The following TRMT44 variants were observed in gnomAD, a reference collection of about 807,000 sequenced individuals.
TRMT44 encodes tRNA methyltransferase 44 homolog.
In TRMT44, 78 loss-of-function variants were observed where a neutral mutation model predicts 77.3. That is an observed-to-expected ratio of 1.01 (90% CI 0.84 to 1.22). The LOEUF is 1.22. Among genes scored for constraint, TRMT44 ranks in the 50% most tolerant of loss-of-function variants. TRMT44 has a pLI of 0.00. For synonymous variants in TRMT44, 391 were observed against 383.3 expected (o/e 1.02, Z -0.23); for missense variants, 1,090 against 964.4 (o/e 1.13, Z -1.73).
chr4:8,454,002 A>T (rs1454432302), intron 5 of TRMT44, among the ~76,000 whole-genome samples: 1 of 152,204 alleles, frequency 6.6e-6, no homozygotes, highest in East Asian at 1.9e-4. Flanking sequence ...GTAGTGTATC[A>T]GGTGGCAGCT....
chr4:8,463,210 T>C (rs1726282025), intron 6 of TRMT44, among the ~76,000 whole-genome samples: 2 of 152,200 alleles, frequency 1.3e-5, no homozygotes, highest in Non-Finnish European at 2.9e-5. Context: ...TTAAGAAGAT[T>C]TTCAATGGTT....
chr4:8,487,513 TA>T (rs1202908850), intron 2 of TRMT44, among the ~76,000 whole-genome samples: 1 of 147,456 alleles, frequency 6.8e-6, no homozygotes, highest in Non-Finnish European at 1.5e-5. Context: ...GGTGCAGAAA[TA>T]AGGGATTGGG....
chr4:8,505,571 T>G, the TRMT44 span, among the ~76,000 whole-genome samples: 3 of 152,208 alleles, frequency 2.0e-5, no homozygotes, highest in Admixed American at 1.3e-4. Context: ...CAAATGTGCC[T>G]GCCCTCCGCT....
At chr4:8,509,124 A>T in the TRMT44 span, 2 of 152,054 alleles carry the variant, frequency 1.3e-5, no homozygotes, top group African/African-American at 2.4e-5. Flanking sequence ...ACCAAAAAAC[A>T]TCAGGACATT....
In TRMT44 at chr4:8,444,536, T is replaced by G. The variant is rs56343159; in HGVS notation, c.620-1940T>G. On this transcript the variant is annotated intron_variant, in intron 1 of 10. Coordinates refer to ENST00000389737, the MANE Select transcript of TRMT44 (RefSeq NM_152544.3). The surrounding 1 kb of genome is among the most constrained non-coding windows in gnomAD (Gnocchi z 4.0). ...ACTTAGCCTCCCAAGCAGCTGGGAT[T>G]ACAGGCATGTGCCACGACGCCCAGC... 6.6e-6 allele frequency among the ~76,000 whole-genome samples: 1 copy of G among 151,792 alleles called. No individual in the cohort carries two copies. Among genetic ancestry groups the G allele is most frequent in the African/African-American group, 2.4e-5 (1 of 41,276 alleles).
intron 8 of TRMT44, among the ~76,000 whole-genome samples, chr4:8,466,068 G>T (rs1726522703): frequency 6.6e-6 from 1 of 152,232 alleles, no homozygotes; most frequent in Non-Finnish European, 1.5e-5. Flanking sequence ...TCTGACCTTT[G>T]TGTGGACAGG....
At chr4:8,464,508 A>C (rs2109148916) in intron 7 of TRMT44, among the ~76,000 whole-genome samples, 1 of 152,316 alleles carries the variant, frequency 6.6e-6, no homozygotes, top group South Asian at 2.1e-4. Context: ...TTGCCTCCGC[A>C]CGGGGAGCTG....
chr4:8,489,051 C>T (rs1727911047), intron 2 of TRMT44, among the ~76,000 whole-genome samples: 1 of 152,234 alleles, frequency 6.6e-6, no homozygotes, highest in Non-Finnish European at 1.5e-5. Flanking sequence ...GGAGTAGCAC[C>T]ACCCACAAGT....
chr4:8,451,790 A>G lies in TRMT44; in HGVS notation c.955-170A>G, dbSNP rs1313225688. 2.0e-5 allele frequency among the ~76,000 whole-genome samples: 3 copies of G among 152,088 alleles called. No homozygotes were observed. Among genetic ancestry groups the G allele is most frequent in the African/African-American group, 7.2e-5 (3 of 41,386 alleles). ...TTGGCATGCCTTGTTTCTTTATGTAAATCTTTTATTGTAAGAAACCAGTTG... is the reference window on the plus strand; with the variant it reads ...TTGGCATGCCTTGTTTCTTTATGTAGATCTTTTATTGTAAGAAACCAGTTG... On this transcript the variant is annotated intron_variant, in intron 3 of 10. Coordinates refer to ENST00000389737, the MANE Select transcript of TRMT44 (RefSeq NM_152544.3). The surrounding 1 kb of genome is among the most constrained non-coding windows in gnomAD (Gnocchi z 4.1).
chr4:8,472,871 C>T (rs1315182049), intron 10 of TRMT44, among the ~76,000 whole-genome samples: 2 of 152,348 alleles, frequency 1.3e-5, no homozygotes, highest in East Asian at 1.9e-4. Flanking sequence ...CCCACCTCCA[C>T]GGGGCCTCTT....
At chr4:8,449,949 C>CTTTTTTTTTTTTTTTTTTTCTTTTT in intron 3 of TRMT44, 61 bp downstream of exon 3, 1 of 238,690 alleles carries the variant, frequency 4.2e-6, no homozygotes, top group Non-Finnish European at 6.1e-6. Context: ...CTTTTCTTTT[C>CTTTTTTTTTTTTTTTTTTTCTTTTT]TTTTTTTTTT....
chr4:8,502,945 A>G, the TRMT44 span, among the ~76,000 whole-genome samples: 1 of 152,214 alleles, frequency 6.6e-6, no homozygotes, highest in Non-Finnish European at 1.5e-5. Context: ...TGAACACACA[A>G]CAGACACAGG....
the TRMT44 span, among the ~76,000 whole-genome samples, chr4:8,507,696 C>A: frequency 6.6e-6 from 1 of 152,204 alleles, no homozygotes; most frequent in Non-Finnish European, 1.5e-5. Flanking sequence ...TGCCCCTGGT[C>A]ACCTGGAGGC....
chr4:8,478,790 C>T (rs1239653060), downstream of TRMT44: 9 of 152,250 alleles, frequency 5.9e-5, no homozygotes, highest in African/African-American at 1.7e-4. Flanking sequence ...ACTAGTGCCA[C>T]GCAGGCACTA....
rs1197455134 is a variant in TRMT44 at position 8,452,030 on chromosome 4, T to A, written c.1023+2T>A. 1 of 1,536,270 alleles carries A rather than the reference T, an allele frequency of 6.5e-7. No homozygotes were observed. The highest frequency in any genetic ancestry group is 8.7e-7 in the Non-Finnish European group (1 of 1,146,774). On this transcript the variant is annotated splice_donor_variant, in intron 4 of 10. Coordinates refer to ENST00000389737, the MANE Select transcript of TRMT44 (RefSeq NM_152544.3). LOFTEE classifies it high-confidence loss of function. This position sits in a 1 kb window ranked among gnomAD's most constrained non-coding sequence, Gnocchi z 5.7. ...GTGGCTATCGCAGCATACCTGCTGG[T>A]AAGGGTGTAAGCGACCTCAGCTTCT... is the stretch of plus-strand genomic sequence containing the variant.
intron 10 of TRMT44, among the ~76,000 whole-genome samples, chr4:8,472,168 G>A (rs1247618092): frequency 6.6e-6 from 1 of 152,216 alleles, no homozygotes; most frequent in Non-Finnish European, 1.5e-5. Context: ...GAGTTGTGAT[G>A]TGCAGGGAGA....
downstream of TRMT44, among the ~76,000 whole-genome samples, chr4:8,494,275 A>G (rs1289447524): frequency 1.3e-5 from 2 of 152,038 alleles, no homozygotes; most frequent in African/African-American, 4.8e-5. Flanking sequence ...GGGCCCCAAG[A>G]TCTTCACCCT....
chr4:8,492,240 A>G (rs1190376643), intron 2 of TRMT44, among the ~76,000 whole-genome samples: 3 of 152,186 alleles, frequency 2.0e-5, no homozygotes, highest in African/African-American at 7.2e-5. Flanking sequence ...TGTTAACATT[A>G]TGTAATGCAT....
chr4:8,467,152 G>A (rs1385378394), intron 8 of TRMT44, among the ~76,000 whole-genome samples: 1 of 152,196 alleles, frequency 6.6e-6, no homozygotes, highest in African/African-American at 2.4e-5. Context: ...GGCCCTCTGC[G>A]CAGCCCCCGT....
Sources: allele counts gnomAD v4.1 joint callset (sites outside exome capture counted in the v4.1 genomes callset), GRCh38; gene constraint gnomAD v4.1.1; non-coding constraint Gnocchi (gnomAD v3.1); transcripts MANE v1.5; gene names NCBI Gene and HGNC (gene_info 2026-07-23, HGNC 2026-07-21).